The following RBFOX1 variants were observed in gnomAD, a reference collection of about 807,000 sequenced individuals.
RBFOX1 encodes RNA binding protein fox-1 homolog 1.
A neutral mutation model predicts 57.7 loss-of-function variants in RBFOX1; 8 were observed. The ratio of observed to expected loss-of-function variants is 0.14; its 90% confidence interval spans 0.08 to 0.25. RBFOX1 has a LOEUF of 0.25. RBFOX1 is among the 10% of genes least tolerant of loss of function. The pLI is 1.00. For missense variants in RBFOX1, 611 were observed against 548.5 expected (o/e 1.11, Z -1.14); for synonymous variants, 326 against 222.4 (o/e 1.47, Z -4.15).
intron 3 of RBFOX1, among the ~76,000 whole-genome samples, chr16:5,783,448 G>C (rs930000675): frequency 4.0e-5 from 6 of 151,848 alleles, no homozygotes; most frequent in African/African-American, 9.7e-5. Context: ...TTCTTGTTTT[G>C]AGTATTTCAT....
chr16:7,056,313 C>A (rs563553122), intron 4 of RBFOX1, among the ~76,000 whole-genome samples: 1 of 152,124 alleles, frequency 6.6e-6, no homozygotes, highest in Admixed American at 6.5e-5. Flanking sequence ...TTCCTCCGTC[C>A]CAAGGTTTGT....
chr16:7,310,345 C>T (rs967399865), intron 4 of RBFOX1, among the ~76,000 whole-genome samples: 32 of 152,126 alleles, frequency 2.1e-4, no homozygotes, highest in African/African-American at 7.5e-4. Flanking sequence ...ATGGTTGTTT[C>T]TGATCTTCCT....
At chr16:5,737,428 G>A (rs759121856) in intron 3 of RBFOX1, among the ~76,000 whole-genome samples, 1 of 152,070 alleles carries the variant, frequency 6.6e-6, no homozygotes, top group African/African-American at 2.4e-5. Flanking sequence ...GGAGGTTGCA[G>A]TGAGTCGAGA....
At chr16:6,459,267 C>G (rs536949339) in intron 2 of RBFOX1, among the ~76,000 whole-genome samples, 2 of 152,226 alleles carry the variant, frequency 1.3e-5, no homozygotes, top group South Asian at 2.1e-4. Context: ...ACCCGGGAGG[C>G]AGAGGTTGCA....
chr16:6,958,087 G>T (rs2082237935), intron 3 of RBFOX1, among the ~76,000 whole-genome samples: 1 of 150,840 alleles, frequency 6.6e-6, no homozygotes, highest in African/African-American at 2.5e-5. Flanking sequence ...GATGTTAAAG[G>T]CAGCGGCTTG....
At chr16:5,716,837 G>C (rs1273457410) in intron 3 of RBFOX1, among the ~76,000 whole-genome samples, 3 of 152,222 alleles carry the variant, frequency 2.0e-5, no homozygotes, top group African/African-American at 7.2e-5. Flanking sequence ...ATGACCATCA[G>C]TGGCAGATTT....
At chr16:6,953,017 C>G (rs1196060027) in intron 3 of RBFOX1, among the ~76,000 whole-genome samples, 1 of 152,044 alleles carries the variant, frequency 6.6e-6, no homozygotes, top group African/African-American at 2.4e-5. Flanking sequence ...ACATCTTTAC[C>G]TCACCTGGCA....
At chr16:6,371,810 C>T (rs1014848187) in intron 2 of RBFOX1, among the ~76,000 whole-genome samples, 6 of 152,176 alleles carry the variant, frequency 3.9e-5, no homozygotes, top group African/African-American at 1.4e-4. Flanking sequence ...GTTAATCCTT[C>T]CTAAGGATTA....
intron 4 of RBFOX1, among the ~76,000 whole-genome samples, chr16:7,360,123 CAGAT>C (rs1484930770): frequency 3.9e-5 from 6 of 152,166 alleles, no homozygotes; most frequent in African/African-American, 1.4e-4. Context: ...AACCAAAAGA[CAGAT>C]GGATGGAACT....
chr16:5,384,029 G>A (rs2066196639), intron 1 of RBFOX1, among the ~76,000 whole-genome samples: 1 of 152,168 alleles, frequency 6.6e-6, no homozygotes, highest in Non-Finnish European at 1.5e-5. Context: ...GTGGCATCAG[G>A]CGCTCAGCTT....
chr16:7,287,321 A>G (rs1462655368), intron 4 of RBFOX1, among the ~76,000 whole-genome samples: 1 of 152,212 alleles, frequency 6.6e-6, no homozygotes, highest in Non-Finnish European at 1.5e-5. Context: ...CAGGACCTGG[A>G]GAGACAAGAA....
At chr16:5,606,322 C>A (rs1445578470) in intron 3 of RBFOX1, among the ~76,000 whole-genome samples, 1 of 152,052 alleles carries the variant, frequency 6.6e-6, no homozygotes, top group Admixed American at 6.5e-5. Flanking sequence ...CTTGAATTCT[C>A]CCCTCAGATC....
intron 1 of RBFOX1, among the ~76,000 whole-genome samples, chr16:5,389,454 G>A (rs1408837646): frequency 1.3e-5 from 2 of 152,034 alleles, no homozygotes; most frequent in African/African-American, 4.8e-5. Flanking sequence ...TCCCACCCCT[G>A]CAGTTGTGAA....
At chr16:7,650,821 A>T (rs2064887727) in intron 11 of RBFOX1, among the ~76,000 whole-genome samples, 1 of 152,164 alleles carries the variant, frequency 6.6e-6, no homozygotes, top group African/African-American at 2.4e-5. Context: ...TAATAGTTGA[A>T]CTGTGGCAAG....
chr16:6,632,673 G>A (rs747240414), intron 2 of RBFOX1, among the ~76,000 whole-genome samples: 1 of 152,158 alleles, frequency 6.6e-6, no homozygotes, highest in Non-Finnish European at 1.5e-5. Flanking sequence ...ACTGATATCC[G>A]GCGAAGGCCT....
chr16:7,206,835 T>C (rs2090081804), intron 4 of RBFOX1, among the ~76,000 whole-genome samples: 1 of 151,874 alleles, frequency 6.6e-6, no homozygotes, highest in South Asian at 2.1e-4. Flanking sequence ...TTATAAACAA[T>C]CAATTCTCTT....
chr16:6,927,827 A>G (rs1379112368), intron 3 of RBFOX1, among the ~76,000 whole-genome samples: 1 of 152,196 alleles, frequency 6.6e-6, no homozygotes, highest in Admixed American at 6.5e-5. Flanking sequence ...CTAACACTGA[A>G]GGAAATAGAA....
At chr16:7,645,332 T>C (rs966517635) in intron 11 of RBFOX1, among the ~76,000 whole-genome samples, 3 of 152,156 alleles carry the variant, frequency 2.0e-5, no homozygotes, top group Non-Finnish European at 2.9e-5. Flanking sequence ...CCTCGTGCCA[T>C]GTCAATTTGC....
intron 1 of RBFOX1, among the ~76,000 whole-genome samples, chr16:5,324,877 T>G (rs1406039119): frequency 6.6e-6 from 1 of 152,136 alleles, no homozygotes; most frequent in Non-Finnish European, 1.5e-5. Context: ...TTTACTAGAC[T>G]TAGTGGTACT....
Sources: gnomAD v4.1 joint callset for allele counts (sites outside exome capture counted in the v4.1 genomes callset) on GRCh38, gnomAD v4.1.1 for gene constraint, MANE v1.5 for transcripts, NCBI Gene and HGNC (gene_info 2026-07-23, HGNC 2026-07-21) for gene names.